Variants in GRM3 observed in about 807,000 individuals in gnomAD.
GRM3 encodes glutamate metabotropic receptor 3.
A neutral mutation model predicts 70.5 loss-of-function variants in GRM3; 26 were observed. That is an observed-to-expected ratio of 0.37 (90% confidence interval 0.27 to 0.51). The LOEUF (loss-of-function observed/expected upper bound fraction) is 0.51, where lower values mean the gene tolerates loss of function less well. Among genes scored for constraint, GRM3 ranks in the 20% least tolerant of loss-of-function variants. GRM3 has a pLI of 0.93. For missense variants in GRM3, 859 were observed against 1,123.8 expected (o/e 0.76, Z 3.37); for synonymous variants, 443 against 434.9 (o/e 1.02, Z -0.23).
chr7:86,772,052 T>C (rs578253970), intron 2 of GRM3, among the ~76,000 whole-genome samples: 61 of 152,236 alleles, frequency 4.0e-4, no homozygotes, highest in African/African-American at 1.3e-3. Flanking sequence ...CCTCCATTAC[T>C]AAGTAAATAT....
chr7:86,810,475 T>C (rs1035891384), intron 3 of GRM3, among the ~76,000 whole-genome samples: 1 of 152,042 alleles, frequency 6.6e-6, no homozygotes, highest in Non-Finnish European at 1.5e-5. Context: ...TCCACTTCAC[T>C]GAAAATAACA....
chr7:86,670,834 T>A lies in GRM3; in HGVS notation c.-141+25962T>A, dbSNP rs371054337. On this transcript the variant is annotated intron_variant, in intron 1 of 5. Coordinates refer to ENST00000361669, the MANE Select transcript of GRM3 (RefSeq NM_000840.3). Reference sequence around the variant, plus strand: ...GCTCATCTTCTAATTTCCTTACACATTCTCTAAACTGAAAGCTGGACAACT... The same window carrying A: ...GCTCATCTTCTAATTTCCTTACACAATCTCTAAACTGAAAGCTGGACAACT... Among the ~76,000 whole-genome samples, 8 of 152,290 alleles carry A rather than the reference T, an allele frequency of 5.3e-5. No homozygotes were observed. The East Asian group carries it at 1.5e-3, about 29-fold the overall frequency.
At chr7:86,736,246 G>GA in intron 1 of GRM3, among the ~76,000 whole-genome samples, 1 of 152,250 alleles carries the variant, frequency 6.6e-6, no homozygotes, top group Admixed American at 6.5e-5. Context: ...GGCAAACGAG[G>GA]AAAAGATCCA....
chr7:86,809,794 G>A (rs759793959), intron 3 of GRM3, among the ~76,000 whole-genome samples: 76 of 152,002 alleles, frequency 5.0e-4, no homozygotes, highest in Non-Finnish European at 1.0e-3. Context: ...AATGCATTAC[G>A]AGCTGTCACA....
intron 5 of GRM3, among the ~76,000 whole-genome samples, chr7:86,859,055 C>T (rs1798905152): frequency 6.6e-6 from 1 of 152,178 alleles, no homozygotes; most frequent in Non-Finnish European, 1.5e-5. Context: ...GATCCTAGCT[C>T]ACTGAAGCCT....
intron 1 of GRM3, among the ~76,000 whole-genome samples, chr7:86,750,555 A>G (rs1796205899): frequency 6.6e-6 from 1 of 152,068 alleles, no homozygotes; most frequent in Admixed American, 6.6e-5. Context: ...TAAAAGAGAA[A>G]AGAAGTGAAT....
rs375923210 is a variant in GRM3, at chr7:86,857,918, T to TTTTTATTTTATTTTA, written c.2567-6324_2567-6310dup. Among the ~76,000 whole-genome samples the TTTTTATTTTATTTTA allele has an allele frequency of 2.7e-4, 39 of 142,696 alleles. 1 individual carries two copies. The highest frequency in any genetic ancestry group is 2.4e-3 in the South Asian group (11 of 4,498). 93.6% of individuals were successfully genotyped at this position (142,696 alleles called of 152,430 possible). On this transcript the variant is annotated intron_variant, in intron 5 of 5. Transcript: ENST00000361669. ...TTTGAGGGAAGGAGAAGAGAGTAAA[T>TTTTTATTTTATTTTA]TTTTATTTTATTTTATTTTATTTTA... is the stretch of plus-strand genomic sequence containing the variant.
intron 1 of GRM3, among the ~76,000 whole-genome samples, chr7:86,715,081 G>T (rs1028830123): frequency 1.7e-4 from 26 of 151,922 alleles, no homozygotes; most frequent in African/African-American, 4.3e-4. Context: ...GTCAGAAATG[G>T]CTAATTAGAA....
At chr7:86,846,260 A>C (rs920852774) in intron 4 of GRM3, among the ~76,000 whole-genome samples, 1 of 152,192 alleles carries the variant, frequency 6.6e-6, no homozygotes, top group African/African-American at 2.4e-5. Flanking sequence ...TTTGACTGTC[A>C]TCTTGGAATG....
At chr7:86,782,190 C>T (rs1357586727) in intron 2 of GRM3, among the ~76,000 whole-genome samples, 1 of 149,416 alleles carries the variant, frequency 6.7e-6, no homozygotes, top group Non-Finnish European at 1.5e-5. Context: ...CCTTCCCTTT[C>T]ACCCTGTCCC....
At chr7:86,775,647 G>T (rs962870316) in intron 2 of GRM3, among the ~76,000 whole-genome samples, 3 of 151,918 alleles carry the variant, frequency 2.0e-5, no homozygotes, top group Non-Finnish European at 4.4e-5. Context: ...ATTCTTAGTG[G>T]TCTCACCACC....
chr7:86,847,066 T>C (rs1327274830), intron 4 of GRM3, among the ~76,000 whole-genome samples: 2 of 152,176 alleles, frequency 1.3e-5, no homozygotes, highest in African/African-American at 4.8e-5. Context: ...CCCTGTACCA[T>C]CAGTGGGTTA....
chr7:86,703,824 G>T (rs997394495), intron 1 of GRM3, among the ~76,000 whole-genome samples: 2 of 151,820 alleles, frequency 1.3e-5, no homozygotes, highest in African/African-American at 4.8e-5. Context: ...ACAGTAAAAT[G>T]GGCTTATAAC....
intron 1 of GRM3, among the ~76,000 whole-genome samples, chr7:86,720,575 C>T (rs1379300225): frequency 6.6e-6 from 1 of 152,062 alleles, no homozygotes; most frequent in Non-Finnish European, 1.5e-5. Flanking sequence ...CTTGGCCGTG[C>T]CATGAGATAT....
intron 1 of GRM3, among the ~76,000 whole-genome samples, chr7:86,692,305 C>T (rs1208706984): frequency 6.6e-6 from 1 of 152,204 alleles, no homozygotes; most frequent in Non-Finnish European, 1.5e-5. Flanking sequence ...CTATCATAGA[C>T]TATAGAGTCT....
chr7:86,708,679 T>C (rs1420043185), intron 1 of GRM3, among the ~76,000 whole-genome samples: 1 of 152,034 alleles, frequency 6.6e-6, no homozygotes, highest in Non-Finnish European at 1.5e-5. Flanking sequence ...GAGTCCACTA[T>C]TGGAAGAATA....
chr7:86,680,905 C>T (rs1794426596), intron 1 of GRM3, among the ~76,000 whole-genome samples: 1 of 152,132 alleles, frequency 6.6e-6, no homozygotes, highest in South Asian at 2.1e-4. Context: ...GTACCATTCC[C>T]CTTGGCAGCC....
intron 1 of GRM3, among the ~76,000 whole-genome samples, chr7:86,730,639 T>C (rs1795711640): frequency 6.6e-6 from 1 of 152,204 alleles, no homozygotes. Context: ...TACGTAACAA[T>C]TATTGGTCAG....
rs1185968651 is a variant in GRM3, at chr7:86,786,884, G to C, written c.1092G>C (p.Gln364His). 6.2e-6 allele frequency: 10 copies of C among 1,614,226 alleles called. No homozygotes were observed. The highest frequency in any genetic ancestry group is 8.5e-6 in the Non-Finnish European group (10 of 1,180,040). The stretch of plus-strand genomic sequence containing the variant: ...AGCAAAAGTTTCAGTGCAGCCTCCA[G>C]AACAAACGCAACCACAGGCGCGTCT... The part of the protein sequence containing the change: ...FWEQKFQCSL[Q>H]NKRNHRRVCD... The change falls in exon 3 of 6, where the codon CAG (glutamine) becomes CAC (histidine). Residue 364 changes from glutamine to histidine, a missense_variant. Coordinates refer to ENST00000361669, the MANE Select transcript of GRM3 (RefSeq NM_000840.3). The surrounding 1 kb of genome is among the most constrained non-coding windows in gnomAD (Gnocchi z 6.0).
Sources: allele counts gnomAD v4.1 joint callset (sites outside exome capture counted in the v4.1 genomes callset), GRCh38; gene constraint gnomAD v4.1.1; non-coding constraint Gnocchi (gnomAD v3.1); transcripts MANE v1.5; gene names NCBI Gene and HGNC (gene_info 2026-07-23, HGNC 2026-07-21).